Variants in NRXN3 observed in about 807,000 individuals in gnomAD.
NRXN3 encodes neurexin 3.
NRXN3 carries 32 observed loss-of-function variants against 137.6 expected under a neutral mutation model. That is an observed-to-expected ratio of 0.23 (90% CI 0.18 to 0.31). The LOEUF (loss-of-function observed/expected upper bound fraction) is 0.31. NRXN3 is among the 10% of genes least tolerant of loss of function. The pLI, the probability that NRXN3 is intolerant of heterozygous loss-of-function variation, is 1.00. For missense variants in NRXN3, 1,574 were observed against 2,062.5 expected (o/e 0.76, Z 4.59); for synonymous variants, 798 against 784.5 (o/e 1.02, Z -0.29).
At chr14:79,706,783 T>C (rs1201352115) in intron 19 of NRXN3, among the ~76,000 whole-genome samples, 1 of 152,142 alleles carries the variant, frequency 6.6e-6, no homozygotes, top group Non-Finnish European at 1.5e-5. Flanking sequence ...TGCTATAGAT[T>C]AGGTGTATGA....
At chr14:78,844,778 G>GT (rs1389303930) in intron 10 of NRXN3, among the ~76,000 whole-genome samples, 5 of 151,996 alleles carry the variant, frequency 3.3e-5, no homozygotes. Context: ...GAGTGTGATG[G>GT]TTAATCCCTC....
At chr14:78,756,253 T>A (rs1473956739) in intron 8 of NRXN3, among the ~76,000 whole-genome samples, 1 of 152,140 alleles carries the variant, frequency 6.6e-6, no homozygotes, top group East Asian at 1.9e-4. Flanking sequence ...TTTAGGAGGC[T>A]GAGGTGGGCA....
intron 15 of NRXN3, among the ~76,000 whole-genome samples, chr14:79,113,505 A>G (rs1474592424): frequency 6.6e-6 from 1 of 152,178 alleles, no homozygotes; most frequent in Non-Finnish European, 1.5e-5. Context: ...ATCCTAAAGC[A>G]AATCAAAATT....
chr14:79,409,176 T>C (rs932154511), intron 15 of NRXN3, among the ~76,000 whole-genome samples: 2 of 152,034 alleles, frequency 1.3e-5, no homozygotes, highest in African/African-American at 4.8e-5. Context: ...TAAGGCAAGA[T>C]AACACATTTT....
chr14:79,425,209 A>T (rs890224220), intron 15 of NRXN3, among the ~76,000 whole-genome samples: 3 of 152,222 alleles, frequency 2.0e-5, no homozygotes, highest in Non-Finnish European at 4.4e-5. Context: ...GTAGTTATAT[A>T]TCGGAACCAA....
intron 15 of NRXN3, among the ~76,000 whole-genome samples, chr14:79,433,808 G>A (rs185919333): frequency 1.2e-4 from 18 of 152,242 alleles, no homozygotes; most frequent in South Asian, 1.0e-3. Context: ...ACTTTATTCC[G>A]TGCAACACAG....
intron 8 of NRXN3, among the ~76,000 whole-genome samples, chr14:78,801,037 T>C (rs749076741): frequency 1.2e-4 from 19 of 152,146 alleles, no homozygotes; most frequent in Non-Finnish European, 2.5e-4. Context: ...AAGAAATACA[T>C]GAGGCCGGGC....
intron 6 of NRXN3, among the ~76,000 whole-genome samples, chr14:78,655,972 G>A (rs977278410): frequency 1.3e-5 from 2 of 152,050 alleles, no homozygotes; most frequent in Admixed American, 1.3e-4. Flanking sequence ...TTTTATAAGG[G>A]CACCAATCCC....
chr14:78,981,220 G>A (rs2099488596), intron 14 of NRXN3, among the ~76,000 whole-genome samples: 1 of 152,102 alleles, frequency 6.6e-6, no homozygotes, highest in Non-Finnish European at 1.5e-5. Flanking sequence ...GAATTGAAAT[G>A]GTATTTGAAA....
chr14:79,716,063 G>A (rs2098822626), intron 19 of NRXN3, among the ~76,000 whole-genome samples: 1 of 152,206 alleles, frequency 6.6e-6, no homozygotes, highest in South Asian at 2.1e-4. Context: ...CCATTATTAT[G>A]ACTCATGACA....
intron 8 of NRXN3, among the ~76,000 whole-genome samples, chr14:78,765,443 G>A (rs1025397950): frequency 6.6e-6 from 1 of 152,070 alleles, no homozygotes; most frequent in Non-Finnish European, 1.5e-5. Flanking sequence ...ATGAGCCACC[G>A]AGCCCAGCTG....
At chr14:78,989,966 A>G (rs533550371) in intron 15 of NRXN3, among the ~76,000 whole-genome samples, 3 of 152,272 alleles carry the variant, frequency 2.0e-5, no homozygotes, top group Non-Finnish European at 4.4e-5. Context: ...TTCTGGTAAA[A>G]ATCAGGAAGG....
At chr14:79,613,739 A>C (rs1365741254) in intron 16 of NRXN3, among the ~76,000 whole-genome samples, 1 of 152,208 alleles carries the variant, frequency 6.6e-6, no homozygotes, top group Non-Finnish European at 1.5e-5. Flanking sequence ...GCCCACCAGG[A>C]GCTAGGCAGG....
chr14:78,682,531 A>C (rs2152746130), intron 6 of NRXN3, among the ~76,000 whole-genome samples: 1 of 152,220 alleles, frequency 6.6e-6, no homozygotes, highest in South Asian at 2.1e-4. Context: ...GCTACTGTCT[A>C]GTCCTCAGTG....
Position 79,641,450 on chromosome 14 carries a change from G to A in NRXN3, c.3445-22328G>A, listed in dbSNP as rs573595300. Among the ~76,000 whole-genome samples the A allele has an allele frequency of 1.1e-3, 154 of 135,766 alleles. 6 individuals carry two copies. The highest frequency in any genetic ancestry group is 3.7e-3 in the African/African-American group (150 of 40,908). 89.1% of individuals were successfully genotyped at this position (135,766 alleles called of 152,430 possible). A position where few individuals can be genotyped will look rare whatever the true frequency, so the allele number is the denominator to read the frequency against. ...GTATTCGTTATTGTCTAATGACACA[G>A]CATAACAAACCACTGAAATTCAGTG... On this transcript the variant is annotated intron_variant, in intron 16 of 20. Transcript: ENST00000335750.
intron 16 of NRXN3, among the ~76,000 whole-genome samples, chr14:79,528,392 T>C (rs549912182): frequency 1.0e-3 from 156 of 152,308 alleles, no homozygotes; most frequent in Non-Finnish European, 1.6e-3. Flanking sequence ...TAGAAGAATA[T>C]TTAATACTAT....
chr14:79,746,498 A>T (rs1337424225), intron 19 of NRXN3, among the ~76,000 whole-genome samples: 2 of 152,168 alleles, frequency 1.3e-5, no homozygotes, highest in East Asian at 3.9e-4. Context: ...GCAGAAATGG[A>T]GGTTAGGTAA....
chr14:79,810,626 C>G (rs988934527), intron 20 of NRXN3, among the ~76,000 whole-genome samples: 11 of 152,068 alleles, frequency 7.2e-5, no homozygotes, highest in African/African-American at 2.4e-4. Context: ...AATATACAAC[C>G]CAAGCTGAGT....
chr14:79,170,004 T>A (rs1346709212), intron 15 of NRXN3, among the ~76,000 whole-genome samples: 1 of 152,142 alleles, frequency 6.6e-6, no homozygotes, highest in Non-Finnish European at 1.5e-5. Context: ...GCGTGTCTTA[T>A]CTCTTATGCA....
Sources: allele counts gnomAD v4.1 joint callset (sites outside exome capture counted in the v4.1 genomes callset), GRCh38; gene constraint gnomAD v4.1.1; transcripts MANE v1.5; gene names NCBI Gene and HGNC (gene_info 2026-07-23, HGNC 2026-07-21).